The following EIF2D variants were observed in gnomAD, a reference collection of about 807,000 sequenced individuals.
EIF2D encodes eukaryotic translation initiation factor 2D.
A neutral mutation model predicts 77.4 loss-of-function variants in EIF2D; 56 were observed. The observed-to-expected ratio is 0.72, with a 90% CI of 0.58 to 0.90. EIF2D has a LOEUF of 0.90. EIF2D is among the 40% of genes least tolerant of loss of function. The pLI is 0.00. For missense variants in EIF2D, 574 were observed against 706.5 expected (o/e 0.81, Z 2.13); for synonymous variants, 230 against 271.0 (o/e 0.85, Z 1.49).
rs1670003355 is a variant in EIF2D, at chr1:206,603,025, G to C, written c.710C>G (p.Ser237Cys). ...GEVHQAREDK[S>C]LSEAPEDTST... ...GGTGTCTTCTGGGGCTTCTGAGAGA[G>C]ACTTGTCTTCACGTGCCTGGTGAAC... The change falls in exon 6 of 15, where the codon TCT becomes TGT. Residue 237 changes from serine (S) to cysteine (C), a missense_variant. Physicochemically the swap from Ser to Cys is moderately radical, Grantham distance 112. Coordinates refer to ENST00000271764, the MANE Select transcript of EIF2D (RefSeq NM_006893.3). The C allele has an allele frequency of 3.1e-6, 5 of 1,614,058 alleles. No homozygotes were observed. Among genetic ancestry groups the C allele is most frequent in the Non-Finnish European group, 4.2e-6 (5 of 1,180,044 alleles).
intron 2 of EIF2D, chr1:206,583,501 C>T: frequency 1.4e-6 from 1 of 693,842 alleles, no homozygotes; most frequent in Admixed American, 2.1e-5. Context: ...TTCCTCCGGC[C>T]TCCAGAGGCC....
At chr1:206,587,073 C>A (rs782102674), downstream of EIF2D, 9 of 1,470,148 alleles carry the variant, frequency 6.1e-6, no homozygotes, top group Non-Finnish European at 1.9e-6. Context: ...ACATCTCTGG[C>A]AGGTGCATTT....
In EIF2D at chr1:206,592,901, A is replaced by G. The variant is rs1159953423; in HGVS notation, c.1684+718T>C. 1.3e-5 allele frequency among the ~76,000 whole-genome samples: 2 copies of G among 152,176 alleles called. No homozygotes were observed. The highest frequency in any genetic ancestry group is 2.9e-5 in the Non-Finnish European group (2 of 68,036). ...CGGATCATCTGAGGTCAGGAGTTCA[A>G]GACTGGCTTGGTCAACATAGTGAAA... On this transcript the variant is annotated intron_variant, in intron 14 of 14. Coordinates refer to ENST00000271764, the MANE Select transcript of EIF2D (RefSeq NM_006893.3). This position sits in a 1 kb window ranked among gnomAD's most constrained non-coding sequence, Gnocchi z 4.7.
downstream of EIF2D, chr1:206,571,242 G>A (rs1307569806): frequency 6.6e-6 from 1 of 151,290 alleles, no homozygotes; most frequent in African/African-American, 2.4e-5. Context: ...ATCTTCTTTA[G>A]AGAAATATCT....
chr1:206,593,486 A>AGCGC (rs782760050), intron 14 of EIF2D, 133 bp downstream of exon 14: 96 of 479,324 alleles, frequency 2.0e-4, no homozygotes, highest in African/African-American at 1.6e-3. Context: ...AGAGAGAGAG[A>AGCGC]GCGAGAGAGA....
downstream of EIF2D, chr1:206,587,763 T>C (rs535780308): frequency 3.3e-5 from 5 of 152,568 alleles, no homozygotes; most frequent in East Asian, 5.6e-4. Context: ...ATCATCGTCA[T>C]GTGTTTCCCC....
intron 4 of EIF2D, among the ~76,000 whole-genome samples, chr1:206,575,167 C>T (rs190350755): frequency 5.8e-4 from 89 of 152,172 alleles, no homozygotes; most frequent in African/African-American, 2.1e-3. Context: ...GGGTGTCTGC[C>T]CCTTGCCTGC....
intron 2 of EIF2D, among the ~76,000 whole-genome samples, chr1:206,581,991 C>T (rs1293213492): frequency 6.6e-6 from 1 of 152,150 alleles, no homozygotes; most frequent in Non-Finnish European, 1.5e-5. Context: ...GTGTCAGAGT[C>T]ATCCCTCACT....
chr1:206,584,215 C>T lies in EIF2D; in HGVS notation c.139-3053G>A, dbSNP rs782136116. Reference sequence around the variant, plus strand: ...CTGGATCCTGAGGGTCTTCTCCCAGCCCACTATGGGGAAAGGGATCTCTGC... The same window carrying T: ...CTGGATCCTGAGGGTCTTCTCCCAGTCCACTATGGGGAAAGGGATCTCTGC... On this transcript the variant is annotated intron_variant and NMD_transcript_variant, in intron 2 of 5. Transcript: ENST00000472709. This position sits in a 1 kb window ranked among gnomAD's most constrained non-coding sequence, Gnocchi z 4.9. Among the ~76,000 whole-genome samples, 12 of 152,194 alleles carry T rather than the reference C, an allele frequency of 7.9e-5. No homozygotes were observed. Among genetic ancestry groups the T allele is most frequent in the Non-Finnish European group, 1.5e-4 (10 of 68,030 alleles).
intron 3 of EIF2D, among the ~76,000 whole-genome samples, chr1:206,609,138 G>C (rs1362493179): frequency 1.3e-5 from 2 of 152,138 alleles, no homozygotes; most frequent in Non-Finnish European, 2.9e-5. Context: ...TTGATTTACA[G>C]TATAGCACAT....
chr1:206,604,358 C>T (rs1392483858), intron 5 of EIF2D, among the ~76,000 whole-genome samples: 1 of 150,928 alleles, frequency 6.6e-6, no homozygotes, highest in African/African-American at 2.4e-5. Flanking sequence ...GTAGGAGAAT[C>T]ACTTGAACCG....
intron 2 of EIF2D, chr1:206,583,764 A>G (rs1342981829): frequency 4.5e-6 from 1 of 221,570 alleles, no homozygotes; most frequent in Non-Finnish European, 9.2e-6. Flanking sequence ...AGAGGGACAT[A>G]CTCTCTCAGA....
At chr1:206,602,534 C>T (rs1240963765) in intron 6 of EIF2D, 81 bp from the exon 7 acceptor site, 3 of 1,224,168 alleles carry the variant, frequency 2.5e-6, no homozygotes, top group East Asian at 4.7e-5. Context: ...CAGCTTCATC[C>T]CTACCTCACC....
Position 206,599,599 on chromosome 1 carries a change from CG to C in EIF2D, c.1065del (p.Phe355LeufsTer27), listed in dbSNP as rs782633316. 6.3e-7 allele frequency: 1 copy of C among 1,598,148 alleles called. No homozygotes were observed. The highest frequency in any genetic ancestry group is 8.5e-7 in the Non-Finnish European group (1 of 1,172,306). On this transcript the variant is annotated frameshift_variant, in exon 10 of 15. Coordinates refer to ENST00000271764, the MANE Select transcript of EIF2D (RefSeq NM_006893.3). LOFTEE classifies it high-confidence loss of function. The surrounding 1 kb of genome is among the most constrained non-coding windows in gnomAD (Gnocchi z 4.1). ...GAGGTCGGGGAGGGCTCGGGTATGA[CG>C]AAAGATGTAATCCTAAAACCCAGCA... ...VDWKHPRITS[F>X]VIPEPSPTSQ...
chr1:206,599,135 C>T lies in EIF2D; in HGVS notation c.1203-43G>A. 1 of 1,591,230 alleles carries T rather than the reference C, an allele frequency of 6.3e-7. No individual in the cohort carries two copies. Among genetic ancestry groups the T allele is most frequent in the South Asian group, 1.1e-5 (1 of 90,092 alleles). ...ACCCAGGGGTTAGTTCATGCTGTGC[C>T]ATGAGACAAAAATGCAGATGCCCAG... On this transcript the variant is annotated intron_variant, in intron 10 of 14. Transcript: ENST00000271764. This position sits in a 1 kb window ranked among gnomAD's most constrained non-coding sequence, Gnocchi z 4.1.
chr1:206,595,510 A>T, intron 13 of EIF2D: 1 of 428,574 alleles, frequency 2.3e-6, no homozygotes, highest in Non-Finnish European at 4.0e-6. Flanking sequence ...GTTTCCTAGA[A>T]CAAAATCCTA....
chr1:206,584,971 T>C lies in EIF2D; in HGVS notation c.139-3809A>G, dbSNP rs1669051479. 4.9e-6 allele frequency: 3 copies of C among 607,458 alleles called. No homozygotes were observed. The highest frequency in any genetic ancestry group is 8.8e-6 in the Non-Finnish European group (3 of 342,646). 37.6% of individuals were successfully genotyped at this position (607,458 alleles called of 1,614,324 possible). A position where few individuals can be genotyped will look rare whatever the true frequency, so the allele number is the denominator to read the frequency against. On this transcript the variant is annotated intron_variant and NMD_transcript_variant, in intron 2 of 5. Coordinates refer to the EIF2D transcript ENST00000472709. The surrounding 1 kb of genome is among the most constrained non-coding windows in gnomAD (Gnocchi z 4.9). Reference sequence around the variant, plus strand: ...ATTCCTAATCTTTCAGGAGATGATGTGAATGGAATCATGCTTTAAACTCTG... The same window carrying C: ...ATTCCTAATCTTTCAGGAGATGATGCGAATGGAATCATGCTTTAAACTCTG...
Position 206,611,392 on chromosome 1 carries a change from G to C in EIF2D, c.57-18C>G. 1 of 1,604,738 alleles carries C rather than the reference G, an allele frequency of 6.2e-7. No individual in the cohort carries two copies. Among genetic ancestry groups the C allele is most frequent in the East Asian group, 2.2e-5 (1 of 44,642 alleles). Reference sequence around the variant, plus strand: ...GCTTTCTCCTGTGGAAAGCACACCAGCACTGTGAATGCTGCCTGGACAGAC... The same window carrying C: ...GCTTTCTCCTGTGGAAAGCACACCACCACTGTGAATGCTGCCTGGACAGAC... On this transcript the variant is annotated intron_variant, in intron 1 of 14. Coordinates refer to ENST00000271764, the MANE Select transcript of EIF2D (RefSeq NM_006893.3).
chr1:206,610,612 A>T (rs545327999), intron 2 of EIF2D, among the ~76,000 whole-genome samples: 2 of 152,244 alleles, frequency 1.3e-5, no homozygotes, highest in Non-Finnish European at 2.9e-5. Flanking sequence ...TGAGGTCAGG[A>T]GATCAAGATC....
Sources: allele counts gnomAD v4.1 joint callset (sites outside exome capture counted in the v4.1 genomes callset), GRCh38; gene constraint gnomAD v4.1.1; non-coding constraint Gnocchi (gnomAD v3.1); transcripts MANE v1.5; gene names NCBI Gene and HGNC (gene_info 2026-07-23, HGNC 2026-07-21).